Variants in NDUFB5 observed in about 807,000 individuals in gnomAD.
NDUFB5 encodes the protein NADH dehydrogenase [ubiquinone] 1 beta subcomplex subunit 5, mitochondrial.
A neutral mutation model predicts 19.4 loss-of-function variants in NDUFB5; 19 were observed. That is an observed-to-expected ratio of 0.98 (90% CI 0.68 to 1.43). The LOEUF (loss-of-function observed/expected upper bound fraction) is 1.43. Ranked by LOEUF, NDUFB5 falls within the 40% of genes most tolerant of loss-of-function variation. NDUFB5 has a pLI of 0.00. For synonymous variants in NDUFB5, 80 were observed against 82.6 expected (o/e 0.97, Z 0.17); for missense variants, 233 against 236.5 (o/e 0.99, Z 0.10).
At chr3:179,616,588 A>G (rs1174459822) in intron 3 of NDUFB5, among the ~76,000 whole-genome samples, 1 of 152,272 alleles carries the variant, frequency 6.6e-6, no homozygotes, top group East Asian at 1.9e-4. Context: ...TGAAAGTGTC[A>G]ATGACAGTAA....
intron 1 of NDUFB5, among the ~76,000 whole-genome samples, chr3:179,613,182 A>G (rs1719292009): frequency 6.6e-6 from 1 of 152,202 alleles, no homozygotes; most frequent in African/African-American, 2.4e-5. Flanking sequence ...CATCTAAGCC[A>G]TTCATAAAAA....
At chr3:179,607,647 T>G in intron 1 of NDUFB5, 2 of 657,240 alleles carry the variant, frequency 3.0e-6, no homozygotes, top group South Asian at 3.5e-5. Flanking sequence ...TTAAATACAT[T>G]CCTAATGCTA....
At chr3:179,617,147 G>T (rs1719402967) in intron 4 of NDUFB5, 103 bp downstream of exon 4, 2 of 901,296 alleles carry the variant, frequency 2.2e-6, no homozygotes, top group South Asian at 1.6e-5. Flanking sequence ...TTTTTGTTTT[G>T]TTTTTTTTGA....
chr3:179,621,363 C>T (rs1173182699), intron 5 of NDUFB5, among the ~76,000 whole-genome samples: 2 of 152,166 alleles, frequency 1.3e-5, no homozygotes, highest in African/African-American at 2.4e-5. Context: ...AGGCGTGAGC[C>T]ACTGCACCTG....
intron 5 of NDUFB5, among the ~76,000 whole-genome samples, chr3:179,622,785 G>A (rs1380613344): frequency 3.9e-5 from 6 of 152,168 alleles, no homozygotes; most frequent in Admixed American, 1.3e-4. Context: ...GGTTCATAAA[G>A]TGACTTATTT....
At chr3:179,605,273 G>C (rs1719053633) in intron 1 of NDUFB5, among the ~76,000 whole-genome samples, 1 of 152,136 alleles carries the variant, frequency 6.6e-6, no homozygotes, top group Non-Finnish European at 1.5e-5. Context: ...CCAAAGGCTA[G>C]GTTCTAGTCC....
Position 179,615,006 on chromosome 3 carries a change from C to A in NDUFB5, c.160C>A (p.Leu54Ile). Residue 54 changes from leucine to isoleucine, a missense_variant, in exon 2 of 6, where the codon CTA (leucine) becomes ATA (isoleucine). Coordinates refer to ENST00000259037, the MANE Select transcript of NDUFB5 (RefSeq NM_002492.4). ...ACACAGTGGAGACCATGGGAAAAGA[C>A]TATTTGTCATCAGACCTTCTAGATT... The part of the protein sequence containing the change: ...VRHSGDHGKR[L>I]FVIRPSRFYD... 1.2e-6 allele frequency: 2 copies of A among 1,610,032 alleles called. No homozygotes were observed. Among genetic ancestry groups the A allele is most frequent in the Non-Finnish European group, 1.7e-6 (2 of 1,177,302 alleles).
chr3:179,627,187 T>C lies in NDUFB5; in HGVS notation c.*3147T>C, dbSNP rs1719693850. The C allele has an allele frequency of 6.9e-6, 1 of 144,590 alleles. No individual in the cohort carries two copies. Among genetic ancestry groups the C allele is most frequent in the South Asian group, 2.3e-4 (1 of 4,412 alleles). 9.0% of individuals were successfully genotyped at this position (144,590 alleles called of 1,614,324 possible). A position where few individuals can be genotyped will look rare whatever the true frequency, so the allele number is the denominator to read the frequency against. On this transcript the variant is annotated 3_prime_UTR_variant, in exon 6 of 6. Transcript: ENST00000259037. ...AACAACCAGATCTCTCAGGAACTCA[T>C]TGTTGTTAGAAAAGGAATTAAAAGA...
chr3:179,613,920 T>TA (rs1481645753), intron 1 of NDUFB5, among the ~76,000 whole-genome samples: 1 of 152,180 alleles, frequency 6.6e-6, no homozygotes, highest in East Asian at 1.9e-4. Flanking sequence ...GATAAGATGT[T>TA]ATCTGGGCCT....
intron 1 of NDUFB5, among the ~76,000 whole-genome samples, chr3:179,612,908 G>C: frequency 6.6e-6 from 1 of 152,196 alleles, no homozygotes; most frequent in East Asian, 1.9e-4. Flanking sequence ...GTAGTCAGGG[G>C]ATAAGCGACA....
At chr3:179,614,347 G>A (rs1035943813) in intron 1 of NDUFB5, among the ~76,000 whole-genome samples, 5 of 152,218 alleles carry the variant, frequency 3.3e-5, no homozygotes, top group African/African-American at 1.2e-4. Context: ...ATATTTTAGA[G>A]TGTGTAGTTT....
intron 2 of NDUFB5, 110 bp downstream of exon 2, chr3:179,615,169 TA>T (rs1719344674): frequency 1.8e-6 from 1 of 548,670 alleles, no homozygotes; most frequent in South Asian, 2.5e-5. Flanking sequence ...TTTGTAAATT[TA>T]TATTTCTTTC....
rs1389484550 is a variant in NDUFB5 at position 179,615,028 on chromosome 3, G to T, written c.182G>T (p.Arg61Ile). The T allele has an allele frequency of 1.2e-6, 2 of 1,608,632 alleles. No individual in the cohort carries two copies. The highest frequency in any genetic ancestry group is 2.2e-5 in the South Asian group (2 of 90,140). Residue 61 changes from arginine (R) to isoleucine (I), a missense_variant, in exon 2 of 6, where the codon AGA becomes ATA. Coordinates refer to ENST00000259037, the MANE Select transcript of NDUFB5 (RefSeq NM_002492.4). ...AGACTATTTGTCATCAGACCTTCTA[G>T]ATTCTATGACAGGCGTTTTTTGAAG... ...GKRLFVIRPS[R>I]FYDRRFLKLL...
At chr3:179,619,245 G>A (rs1214692363) in intron 5 of NDUFB5, among the ~76,000 whole-genome samples, 10 of 140,758 alleles carry the variant, frequency 7.1e-5, no homozygotes, top group Non-Finnish European at 1.2e-4. Flanking sequence ...GGGTACATGT[G>A]CACAACATGC....
At chr3:179,620,593 A>G (rs1382932638) in intron 5 of NDUFB5, among the ~76,000 whole-genome samples, 1 of 152,146 alleles carries the variant, frequency 6.6e-6, no homozygotes, top group Non-Finnish European at 1.5e-5. Context: ...TGTTTTGGTT[A>G]CTGTAGCCTT....
At chr3:179,623,827 G>A in intron 5 of NDUFB5, 93 bp from the exon 6 acceptor site, 1 of 1,483,062 alleles carries the variant, frequency 6.7e-7, no homozygotes. Context: ...TTACATAAAA[G>A]CAGACTCCAG....
chr3:179,616,498 C>T (rs1297107618), intron 3 of NDUFB5, among the ~76,000 whole-genome samples: 5 of 151,960 alleles, frequency 3.3e-5, no homozygotes, highest in South Asian at 2.1e-4. Flanking sequence ...GCTGAGATGG[C>T]GCCATCGCAC....
chr3:179,614,006 A>G lies in NDUFB5; in HGVS notation c.125-965A>G, dbSNP rs183664286. On this transcript the variant is annotated intron_variant, in intron 1 of 5. Coordinates refer to ENST00000259037, the MANE Select transcript of NDUFB5 (RefSeq NM_002492.4). ...AAAGATTCAGATCTTTCTGACATCT[A>G]TTATGACTGAAATTCCTTTAATGGG... is the stretch of plus-strand genomic sequence containing the variant. Among the ~76,000 whole-genome samples the G allele has an allele frequency of 2.9e-4, 44 of 152,352 alleles. 1 individual carries two copies. In the East Asian group the frequency reaches 5.6e-3, roughly 19 times the overall value.
rs1385251837 is a variant in NDUFB5 at position 179,625,968 on chromosome 3, T to C, written c.*1928T>C. On this transcript the variant is annotated 3_prime_UTR_variant, in exon 6 of 6. Transcript: ENST00000259037. ...ACAGGTTGCAAAGGGATTGCTGGAT[T>C]GTATGATAATTCTATGTGTAGTTTC... 1 of 152,254 alleles carries C rather than the reference T, an allele frequency of 6.6e-6. No individual in the cohort carries two copies. The highest frequency in any genetic ancestry group is 2.4e-5 in the African/African-American group (1 of 41,458). The allele number at this position is 152,254 out of a possible 1,614,324, so 9.4% of individuals were successfully genotyped here. A position where few individuals can be genotyped will look rare whatever the true frequency, so the allele number is the denominator to read the frequency against.
Sources: gnomAD v4.1 joint callset for allele counts (sites outside exome capture counted in the v4.1 genomes callset) on GRCh38, gnomAD v4.1.1 for gene constraint, MANE v1.5 for transcripts, NCBI Gene and HGNC (gene_info 2026-07-23, HGNC 2026-07-21) for gene names.